MARF1: variants seen among roughly 807,000 people sequenced by gnomAD.
MARF1 encodes limkain-b1.
MARF1 carries 24 observed loss-of-function variants against 168.2 expected under a neutral mutation model. The observed-to-expected ratio is 0.14, with a 90% CI of 0.10 to 0.20. The LOEUF is 0.20. Among genes scored for constraint, MARF1 ranks in the 10% least tolerant of loss-of-function variants. MARF1 has a pLI of 1.00. For synonymous variants in MARF1, 868 were observed against 822.4 expected (o/e 1.06, Z -0.95); for missense variants, 1,744 against 2,143.6 (o/e 0.81, Z 3.68).
rs765882078 is a variant in MARF1, at chr16:15,623,050, C to T, written c.2344G>A (p.Asp782Asn). 18 of 1,610,550 alleles carry T rather than the reference C, an allele frequency of 1.1e-5. No individual in the cohort carries two copies. Among genetic ancestry groups the T allele is most frequent in the African/African-American group, 5.3e-5 (4 of 74,892 alleles). ...FNIANSSSEADCPDPFANGAD... is the reference protein window; with the variant it reads ...FNIANSSSEANCPDPFANGAD... The stretch of plus-strand genomic sequence containing the variant: ...CCATTTGCAAATGGGTCTGGGCAGT[C>T]GGCTTCGCTGCTCGAATTTGCAATG... The change falls in exon 11 of 27, where the codon GAC becomes AAC. Residue 782 changes from aspartate to asparagine, a missense_variant. Transcript: ENST00000396368.
rs748092725 is a variant in MARF1, at chr16:15,635,673, C to T, written c.814G>A (p.Glu272Lys). ...ATACGAACCTTGTTTAGACAGTCTT[C>T]GCAGTAAAGTGAGCCCTTTAAACAA... ...PVCLKGSLYCEDCLNKPARNS... is the reference protein window; with the variant it reads ...PVCLKGSLYCKDCLNKPARNS... Residue 272 changes from glutamate to lysine, a missense_variant, in exon 3 of 27, where the codon GAA becomes AAA. Transcript: ENST00000396368. 12 of 1,613,660 alleles carry T rather than the reference C, an allele frequency of 7.4e-6. No individual in the cohort carries two copies. In the African/African-American group the frequency reaches 8.0e-5, roughly 11 times the overall value.
chr16:15,608,924 A>G (rs755467222), intron 20 of MARF1, among the ~76,000 whole-genome samples: 182 of 152,328 alleles, frequency 1.2e-3, no homozygotes, highest in Non-Finnish European at 1.0e-3. Context: ...TTAAAAGTAT[A>G]AAAGTAATGA....
intron 21 of MARF1, among the ~76,000 whole-genome samples, chr16:15,604,710 A>G (rs1256489814): frequency 6.6e-6 from 1 of 152,138 alleles, no homozygotes; most frequent in Non-Finnish European, 1.5e-5. Flanking sequence ...TATAAGAAGG[A>G]CACAGACTGG....
chr16:15,630,589 G>GA, intron 6 of MARF1, 85 bp from the exon 7 acceptor site: 10 of 1,254,362 alleles, frequency 8.0e-6, no homozygotes, highest in Non-Finnish European at 1.1e-5. Flanking sequence ...CACCCACTGA[G>GA]AAGAAAGGAA....
chr16:15,615,543 T>A (rs545972346), intron 16 of MARF1, among the ~76,000 whole-genome samples: 1 of 152,186 alleles, frequency 6.6e-6, no homozygotes, highest in African/African-American at 2.4e-5. Context: ...GAGAATCACT[T>A]GAACCCGGGA....
At chr16:15,620,872 G>C (rs904652289) in intron 12 of MARF1, among the ~76,000 whole-genome samples, 2 of 152,074 alleles carry the variant, frequency 1.3e-5, no homozygotes, top group African/African-American at 4.8e-5. Context: ...CATAGATAAG[G>C]ATACACAACT....
Position 15,608,320 on chromosome 16 carries a change from A to G in MARF1, c.4153T>C (p.Leu1385=), listed in dbSNP as rs2033202928. The G allele has an allele frequency of 1.3e-5, 21 of 1,610,852 alleles. No homozygotes were observed. Among genetic ancestry groups the G allele is most frequent in the Non-Finnish European group, 1.8e-5 (21 of 1,177,260 alleles). ...ACGACATGGCAGAGTTTCTGAGTTAAAGCCGAAATGGAACTGACATCATAG... is the reference window on the plus strand; with the variant it reads ...ACGACATGGCAGAGTTTCTGAGTTAGAGCCGAAATGGAACTGACATCATAG... ...QDYDVSSISA[L]TQKLCHVVKV... is the part of the protein sequence containing the mutation. Residue 1385 remains leucine, a synonymous_variant, in exon 21 of 27, where the codon TTA becomes CTA. Coordinates refer to ENST00000396368, the MANE Select transcript of MARF1 (RefSeq NM_014647.4).
chr16:15,621,663 T>A (rs2151187958), intron 12 of MARF1, 70 bp downstream of exon 12: 2 of 1,445,438 alleles, frequency 1.4e-6, no homozygotes, highest in East Asian at 2.3e-5. Context: ...TGAATCTATT[T>A]TTATTATTTC....
chr16:15,620,353 T>C (rs956377164), intron 13 of MARF1, 98 bp downstream of exon 13: 2 of 616,512 alleles, frequency 3.2e-6, no homozygotes, highest in East Asian at 2.8e-5. Flanking sequence ...TCCTCTCCTC[T>C]ACCAGGCTGA....
At position 15,612,776 on chromosome 16, in the gene MARF1, G is replaced by C. The variant is rs1292877642; in HGVS notation, c.3255C>G (p.Asp1085Glu). Residue 1085 changes from aspartate to glutamate, a missense_variant and splice_region_variant, in exon 17 of 27, where the codon GAC becomes GAG. Physicochemically the swap from Asp to Glu is conservative, Grantham distance 45. Transcript: ENST00000396368. Reference protein sequence around the residue: ...IHNKPPPPNTDPWLLRSKSPV... With the variant: ...IHNKPPPPNTEPWLLRSKSPV... ...GACTCTTCGAACGCAGAAGCCAAGG[G>C]TCTAGAAGAAAAAGAACGTGTATAA... is the stretch of plus-strand genomic sequence containing the variant. 1 of 1,613,372 alleles carries C rather than the reference G, an allele frequency of 6.2e-7. No homozygotes were observed. Among genetic ancestry groups the C allele is most frequent in the Admixed American group, 1.7e-5 (1 of 60,018 alleles).
chr16:15,613,261 A>C (rs1314613129), intron 16 of MARF1, among the ~76,000 whole-genome samples: 1 of 152,166 alleles, frequency 6.6e-6, no homozygotes, highest in Non-Finnish European at 1.5e-5. Context: ...GATTAGCATG[A>C]CATAAAAGGG....
At chr16:15,628,265 A>AT (rs1362210958) in intron 7 of MARF1, among the ~76,000 whole-genome samples, 1 of 152,098 alleles carries the variant, frequency 6.6e-6, no homozygotes, top group Non-Finnish European at 1.5e-5. Context: ...TTAAACGTAC[A>AT]TTTTTTAAAT....
At position 15,635,641 on chromosome 16, in the gene MARF1, TAA is replaced by T; in HGVS notation, c.831+13_831+14del. ...CCTCAGCTGCACCCAACTTAAGAAATAAAAAGATACGAACCTTGTTTAGACAG... is the reference window on the plus strand; with the variant it reads ...CCTCAGCTGCACCCAACTTAAGAAATAAAGATACGAACCTTGTTTAGACAG... On this transcript the variant is annotated intron_variant, in intron 3 of 26. Transcript: ENST00000396368. The T allele has an allele frequency of 6.2e-7, 1 of 1,606,056 alleles. No individual in the cohort carries two copies. The highest frequency in any genetic ancestry group is 1.7e-4 in the Middle Eastern group (1 of 6,030).
chr16:15,623,723 T>C (rs569029608), intron 10 of MARF1, among the ~76,000 whole-genome samples: 9 of 152,302 alleles, frequency 5.9e-5, no homozygotes, highest in African/African-American at 1.9e-4. Context: ...TCCTGATGAA[T>C]TAACCTTCTG....
At chr16:15,600,315 A>C in intron 25 of MARF1, 113 bp downstream of exon 25, 3 of 1,379,274 alleles carry the variant, frequency 2.2e-6, no homozygotes, top group Non-Finnish European at 3.0e-6. Flanking sequence ...GTGGCTATGT[A>C]ACTTCAGCAG....
In MARF1 at chr16:15,643,094, G is replaced by A; in HGVS notation, c.-135C>T. On this transcript the variant is annotated 5_prime_UTR_variant, in exon 1 of 27. Coordinates refer to ENST00000396368, the MANE Select transcript of MARF1 (RefSeq NM_014647.4). ...CCGCCCCCCCCAGGCCCTTTGTTTT[G>A]ATTCCCGACTCCGCAGCTCCCGCCG... The A allele has an allele frequency of 5.9e-6, 1 of 168,386 alleles. No homozygotes were observed. Among genetic ancestry groups the A allele is most frequent in the South Asian group, 5.3e-5 (1 of 18,846 alleles). The allele number at this position is 168,386 out of a possible 1,614,324, so 10.4% of individuals were successfully genotyped here.
In MARF1 at chr16:15,608,166, C is replaced by G. The variant is rs149063827; in HGVS notation, c.4182+125G>C. 904 of 634,340 alleles carry G rather than the reference C, an allele frequency of 1.4e-3. 13 individuals carry two copies. The East Asian group carries it at 0.016, about 12-fold the overall frequency. The allele number at this position is 634,340 out of a possible 1,614,324, so 39.3% of individuals were successfully genotyped here. On this transcript the variant is annotated intron_variant, in intron 21 of 26. Transcript: ENST00000396368. ...CACAAAACGAGTCATAATGCTGTGACAGTTAAGTAGTTCAAGGTGTAAATA... is the reference window on the plus strand; with the variant it reads ...CACAAAACGAGTCATAATGCTGTGAGAGTTAAGTAGTTCAAGGTGTAAATA...
chr16:15,611,003 A>G lies in MARF1; in HGVS notation c.3723T>C (p.Asn1241=). Residue 1241 remains asparagine, a synonymous_variant, in exon 19 of 27, where the codon AAT becomes AAC. Coordinates refer to ENST00000396368, the MANE Select transcript of MARF1 (RefSeq NM_014647.4). ...TTTTGGGGATACAAATCACCATTTC[A>G]TTATCTTGTTGGGACAAGCAGATGG... ...DTTICLSQQD[N]EMVICIPKRE... is the part of the protein sequence containing the mutation. 2 of 1,613,960 alleles carry G rather than the reference A, an allele frequency of 1.2e-6. No individual in the cohort carries two copies. Among genetic ancestry groups the G allele is most frequent in the Non-Finnish European group, 8.5e-7 (1 of 1,179,880 alleles).
chr16:15,635,065 T>G (rs1160606511), intron 3 of MARF1, 134 bp from the exon 4 acceptor site: 3 of 668,940 alleles, frequency 4.5e-6, no homozygotes, highest in Non-Finnish European at 7.4e-6. Context: ...AAAAGGACTT[T>G]CAAATAATCT....
Sources: allele counts gnomAD v4.1 joint callset (sites outside exome capture counted in the v4.1 genomes callset), GRCh38; gene constraint gnomAD v4.1.1; transcripts MANE v1.5; gene names NCBI Gene and HGNC (gene_info 2026-07-23, HGNC 2026-07-21).